Variants in MYH11 observed in about 807,000 individuals in gnomAD.
MYH11 encodes myosin-11.
In MYH11, 80 loss-of-function variants were observed where a neutral mutation model predicts 246.6. The observed-to-expected ratio is 0.32, with a 90% CI of 0.27 to 0.39. MYH11 has a LOEUF of 0.39. Among genes scored for constraint, MYH11 ranks in the 10% least tolerant of loss-of-function variants. The probability of loss-of-function intolerance (pLI) is 1.00; values close to 1 mark genes in which losing one functional copy is unlikely to be tolerated. For synonymous variants in MYH11, 1,071 were observed against 1,015.5 expected (o/e 1.05, Z -1.04); for missense variants, 2,158 against 2,546.8 (o/e 0.85, Z 3.29).
chr16:15,769,385 A>G (rs2042049665), intron 9 of MYH11, among the ~76,000 whole-genome samples: 1 of 152,270 alleles, frequency 6.6e-6, no homozygotes, highest in Non-Finnish European at 1.5e-5. Flanking sequence ...CTGTAGTCTC[A>G]ACGACTTGAG....
intron 7 of MYH11, among the ~76,000 whole-genome samples, chr16:15,778,507 G>T (rs988967874): frequency 6.6e-6 from 1 of 152,168 alleles, no homozygotes; most frequent in Non-Finnish European, 1.5e-5. Context: ...GCACAGAGAG[G>T]TGGAGTAACC....
chr16:15,819,887 C>A lies in MYH11; in HGVS notation c.502+3368G>T, dbSNP rs186422243. Among the ~76,000 whole-genome samples, 3 of 152,278 alleles carry A rather than the reference C, an allele frequency of 2.0e-5. No individual in the cohort carries two copies. The East Asian group carries it at 5.8e-4, about 29-fold the overall frequency. ...ATTCTTCAATGACTACAAGAGCGATCAAACTCCACCGAAACCTCCTTCTCC... is the reference window on the plus strand; with the variant it reads ...ATTCTTCAATGACTACAAGAGCGATAAAACTCCACCGAAACCTCCTTCTCC... On this transcript the variant is annotated intron_variant, in intron 3 of 40. Coordinates refer to ENST00000300036, the MANE Select transcript of MYH11 (RefSeq NM_002474.3).
At position 15,798,608 on chromosome 16, in the gene MYH11, T is replaced by TAAAAAAAA. The variant is rs374559754; in HGVS notation, c.530+44_530+51dup. 289 of 1,036,704 alleles carry TAAAAAAAA rather than the reference T, an allele frequency of 2.8e-4. 6 individuals carry two copies. The highest frequency in any genetic ancestry group is 1.4e-3 in the African/African-American group (41 of 28,590). 64.2% of individuals were successfully genotyped at this position (1,036,704 alleles called of 1,614,324 possible). A position where few individuals can be genotyped will look rare whatever the true frequency, so the allele number is the denominator to read the frequency against. On this transcript the variant is annotated intron_variant, in intron 4 of 40. Coordinates refer to ENST00000300036, the MANE Select transcript of MYH11 (RefSeq NM_002474.3). Reference sequence around the variant, plus strand: ...CATAGGTTGGATCTCGACTACAGATTAAAAAAAAAAAAAAACAAAAAAAAA... The same window carrying TAAAAAAAA: ...CATAGGTTGGATCTCGACTACAGATTAAAAAAAAAAAAAAAAAAAAAAACAAAAAAAAA...
At chr16:15,763,741 T>TCGGGGGCCCCC in intron 10 of MYH11, 55 bp downstream of exon 10, 8 of 646,852 alleles carry the variant, frequency 1.2e-5, no homozygotes, top group Non-Finnish European at 1.4e-5. Context: ...AAATGTCACC[T>TCGGGGGCCCCC]CCCCCACCCC....
In MYH11 at chr16:15,731,580, C is replaced by T. The variant is rs1032102439; in HGVS notation, c.3651+984G>A. 2.0e-5 allele frequency among the ~76,000 whole-genome samples: 3 copies of T among 152,006 alleles called. No homozygotes were observed. In the East Asian group the frequency reaches 5.8e-4, roughly 29 times the overall value. On this transcript the variant is annotated intron_variant, in intron 27 of 40. Coordinates refer to ENST00000300036, the MANE Select transcript of MYH11 (RefSeq NM_002474.3). Reference sequence around the variant, plus strand: ...GATCTGAGCTCACTGCAACCTCTTCCTCCTGGGTCCAAGTGATTGTCCTGC... The same window carrying T: ...GATCTGAGCTCACTGCAACCTCTTCTTCCTGGGTCCAAGTGATTGTCCTGC...
At chr16:15,707,573 T>C (rs148021823) in intron 40 of MYH11, among the ~76,000 whole-genome samples, 2 of 152,292 alleles carry the variant, frequency 1.3e-5, no homozygotes, top group East Asian at 3.9e-4. Context: ...CACCCTGCGC[T>C]TTAAGTATTT....
intron 9 of MYH11, among the ~76,000 whole-genome samples, chr16:15,767,940 T>TAA (rs2042020177): frequency 1.4e-5 from 2 of 139,510 alleles, no homozygotes; most frequent in Non-Finnish European, 3.2e-5. Context: ...AAAAAAAATT[T>TAA]TTTTTTTTTA....
intron 2 of MYH11, among the ~76,000 whole-genome samples, chr16:15,826,543 T>A (rs1352701779): frequency 6.6e-6 from 1 of 151,748 alleles, no homozygotes; most frequent in East Asian, 1.9e-4. Context: ...AAGCCGTGAT[T>A]GTGCCATGCA....
chr16:15,816,666 G>C (rs2043270957), intron 3 of MYH11, among the ~76,000 whole-genome samples: 1 of 152,080 alleles, frequency 6.6e-6, no homozygotes, highest in Non-Finnish European at 1.5e-5. Context: ...GGCAAATCCA[G>C]AGGGTGAATG....
rs11273419 is a variant in MYH11 at position 15,788,095 on chromosome 16, T to TTTTTTTTTTTTTTTTTTTTTTTTTTTTTA, written c.531-1364_531-1363insTAAAAAAAAAAAAAAAAAAAAAAAAAAAA. 1.6e-3 allele frequency among the ~76,000 whole-genome samples: 163 copies of TTTTTTTTTTTTTTTTTTTTTTTTTTTTTA among 99,478 alleles called. 34 individuals carry two copies. The highest frequency in any genetic ancestry group is 6.0e-3 in the South Asian group (14 of 2,352). The allele number at this position is 99,478 out of a possible 152,430, so 65.3% of individuals were successfully genotyped here. A position where few individuals can be genotyped will look rare whatever the true frequency, so the allele number is the denominator to read the frequency against. Reference sequence around the variant, plus strand: ...GGTAGATCTTTTTTTTTTTTTTTTTTACCAAGATGGCTTTCGTGCACTAGC... The same window carrying TTTTTTTTTTTTTTTTTTTTTTTTTTTTTA: ...GGTAGATCTTTTTTTTTTTTTTTTTTTTTTTTTTTTTTTTTTTTTTTTTTTTTTAACCAAGATGGCTTTCGTGCACTAGC... On this transcript the variant is annotated intron_variant, in intron 4 of 40. Coordinates refer to ENST00000300036, the MANE Select transcript of MYH11 (RefSeq NM_002474.3).
chr16:15,792,290 A>G (rs2042628945), intron 4 of MYH11: 1 of 152,158 alleles, frequency 6.6e-6, no homozygotes, highest in South Asian at 2.1e-4. Flanking sequence ...GCCTCAGGCA[A>G]TCCTCCTGCC....
intron 6 of MYH11, among the ~76,000 whole-genome samples, chr16:15,780,330 AAT>A (rs2042319558): frequency 6.6e-6 from 1 of 152,028 alleles, no homozygotes; most frequent in African/African-American, 2.4e-5. Flanking sequence ...GGAGTCCTGC[AAT>A]GACCTGGAGA....
chr16:15,786,254 G>A, intron 5 of MYH11: 1 of 382,874 alleles, frequency 2.6e-6, no homozygotes. Flanking sequence ...GGCGGGTCGA[G>A]GCCAGGGATG....
chr16:15,715,802 A>G (rs939742184), intron 38 of MYH11, among the ~76,000 whole-genome samples: 1 of 152,122 alleles, frequency 6.6e-6, no homozygotes, highest in African/African-American at 2.4e-5. Flanking sequence ...GTACACCAGC[A>G]TGCTCAGACT....
intron 36 of MYH11, chr16:15,718,845 G>T: frequency 2.5e-6 from 1 of 407,366 alleles, no homozygotes; most frequent in Non-Finnish European, 4.6e-6. Flanking sequence ...TGGGGGTCCA[G>T]GGCCAGGCAC....
At chr16:15,778,741 C>A in intron 7 of MYH11, 39 bp downstream of exon 7, 1 of 1,598,608 alleles carries the variant, frequency 6.3e-7, no homozygotes, top group African/African-American at 1.3e-5. Flanking sequence ...TGGTAGGGGG[C>A]AGGGGTACCC....
intron 11 of MYH11, among the ~76,000 whole-genome samples, chr16:15,759,958 G>C (rs562659857): frequency 3.9e-5 from 6 of 152,104 alleles, no homozygotes; most frequent in Non-Finnish European, 8.8e-5. Flanking sequence ...TTAGCCAGGC[G>C]TTGTGGTGCA....
In MYH11 at chr16:15,715,423, C is replaced by T; in HGVS notation, c.5505-151G>A. 3 of 743,398 alleles carry T rather than the reference C, an allele frequency of 4.0e-6. No homozygotes were observed. In the South Asian group the frequency reaches 4.5e-5, roughly 11 times the overall value. 46.1% of individuals were successfully genotyped at this position (743,398 alleles called of 1,614,324 possible). ...AGTCAGATGGTGGAATAGTATTCAG[C>T]CATGAAAAGGAATAAAGTATCAATG... On this transcript the variant is annotated intron_variant, in intron 38 of 40. Coordinates refer to ENST00000300036, the MANE Select transcript of MYH11 (RefSeq NM_002474.3).
intron 1 of MYH11, among the ~76,000 whole-genome samples, chr16:15,856,329 T>C (rs2044468700): frequency 8.1e-6 from 1 of 122,746 alleles, no homozygotes; most frequent in African/African-American, 2.8e-5. Flanking sequence ...TCCCCTAAAC[T>C]GATTAAAAAA....
Sources: gnomAD v4.1 joint callset for allele counts (sites outside exome capture counted in the v4.1 genomes callset) on GRCh38, gnomAD v4.1.1 for gene constraint, MANE v1.5 for transcripts, NCBI Gene and HGNC (gene_info 2026-07-23, HGNC 2026-07-21) for gene names.